SCNN1B: variants seen among roughly 807,000 people sequenced by gnomAD.
SCNN1B encodes sodium channel epithelial 1 subunit beta.
In SCNN1B, 46 loss-of-function variants were observed where a neutral mutation model predicts 65.3. The ratio of observed to expected loss-of-function variants is 0.70; its 90% CI spans 0.56 to 0.90. The LOEUF (loss-of-function observed/expected upper bound fraction) is 0.90. SCNN1B is among the 40% of genes least tolerant of loss of function. The probability of loss-of-function intolerance (pLI) is 0.00; values close to 1 mark genes in which losing one functional copy is unlikely to be tolerated. For missense variants in SCNN1B, 751 were observed against 830.5 expected, an observed-to-expected ratio of 0.90 and a Z score of 1.18; for synonymous variants, 349 against 330.6, an observed-to-expected ratio of 1.06 and a Z score of -0.60.
rs185918613 is a variant in SCNN1B, at chr16:23,284,225, C to T, written n.178+421C>T. 4.0e-4 allele frequency among the ~76,000 whole-genome samples: 60 copies of T among 151,864 alleles called. No homozygotes were observed. In the East Asian group the frequency reaches 7.8e-3, roughly 20 times the overall value. ...TTCAAGACCAGCCTGGCCAACATGG[C>T]GAAAACCTGTGCCTACTAAAAGTAC... is the stretch of plus-strand genomic sequence containing the variant. On this transcript the variant is annotated intron_variant and non_coding_transcript_variant, in intron 2 of 3. Coordinates refer to the SCNN1B transcript ENST00000569789.
At chr16:23,316,583 A>G (rs1961472110) in intron 1 of SCNN1B, among the ~76,000 whole-genome samples, 1 of 129,068 alleles carries the variant, frequency 7.7e-6, no homozygotes, top group South Asian at 2.1e-4. Context: ...CACCACCATC[A>G]CCATCTTCAC....
At chr16:23,346,354 G>A (rs73544425) in intron 1 of SCNN1B, among the ~76,000 whole-genome samples, 15,005 of 150,790 alleles carry the variant, frequency 0.1, 821 homozygotes, top group Middle Eastern at 0.17. Flanking sequence ...CAGCCTCCCA[G>A]GTAGCTGGGA....
intron 1 of SCNN1B, among the ~76,000 whole-genome samples, chr16:23,341,884 T>C (rs1420711050): frequency 6.6e-6 from 1 of 152,206 alleles, no homozygotes; most frequent in Admixed American, 6.5e-5. Flanking sequence ...GGTGAAATTG[T>C]TAAGTAGTGC....
chr16:23,342,347 A>G (rs1567303774), intron 1 of SCNN1B, among the ~76,000 whole-genome samples: 1 of 152,248 alleles, frequency 6.6e-6, no homozygotes, highest in African/African-American at 2.4e-5. Flanking sequence ...TCCCAGGCTC[A>G]AGCAAGTCTC....
intron 1 of SCNN1B, among the ~76,000 whole-genome samples, chr16:23,282,983 C>A (rs1034566346): frequency 1.3e-5 from 2 of 152,206 alleles, no homozygotes; most frequent in African/African-American, 4.8e-5. Context: ...GAATTCTCTC[C>A]TGGACAAAGC....
intron 1 of SCNN1B, among the ~76,000 whole-genome samples, chr16:23,343,349 G>A (rs937210940): frequency 7.2e-5 from 11 of 151,912 alleles, no homozygotes; most frequent in African/African-American, 2.2e-4. Flanking sequence ...CTACTCTGGA[G>A]GCTGAGGCAA....
chr16:23,299,280 G>A (rs1961040893), upstream of SCNN1B, among the ~76,000 whole-genome samples: 1 of 151,822 alleles, frequency 6.6e-6, no homozygotes, highest in Non-Finnish European at 1.5e-5. Context: ...GGCTGGTCTC[G>A]AACTCCTGAG....
At chr16:23,306,993 G>A (rs75928145) in intron 1 of SCNN1B, among the ~76,000 whole-genome samples, 5,130 of 152,248 alleles carry the variant, frequency 0.034, 271 homozygotes, top group African/African-American at 0.12. Context: ...CACGTTTTGT[G>A]ATCTCTGTTC....
At chr16:23,377,953 T>C (rs187103743) in intron 10 of SCNN1B, among the ~76,000 whole-genome samples, 28 of 152,294 alleles carry the variant, frequency 1.8e-4, no homozygotes, top group African/African-American at 6.5e-4. Context: ...GTGAAATAAA[T>C]AAACAGGTTA....
chr16:23,365,603 A>AAGAGAGAGAG (rs1491364246), intron 4 of SCNN1B, among the ~76,000 whole-genome samples: 92 of 93,748 alleles, frequency 9.8e-4, no homozygotes, highest in South Asian at 2.4e-3. Flanking sequence ...GAAAGAAAGA[A>AAGAGAGAGAG]AGAAAGAAAG....
chr16:23,372,963 C>G (rs1298581499), intron 7 of SCNN1B, among the ~76,000 whole-genome samples: 4 of 151,324 alleles, frequency 2.6e-5, no homozygotes, highest in Non-Finnish European at 1.5e-5. Context: ...AAAAATTAGC[C>G]AGGCGTCGTG....
intron 1 of SCNN1B, among the ~76,000 whole-genome samples, chr16:23,316,994 C>A (rs2141990818): frequency 1.3e-5 from 2 of 152,326 alleles, no homozygotes; most frequent in South Asian, 4.1e-4. Context: ...GTTTCCCAGA[C>A]CCAAGAAGCA....
At chr16:23,290,101 G>A (rs972177549) in intron 2 of SCNN1B, among the ~76,000 whole-genome samples, 10 of 152,128 alleles carry the variant, frequency 6.6e-5, no homozygotes, top group Non-Finnish European at 1.5e-4. Flanking sequence ...AAATCTGCAC[G>A]TCTCCGTTTT....
In SCNN1B at chr16:23,286,880, C is replaced by T. The variant is rs949977711; in HGVS notation, n.178+3076C>T. Among the ~76,000 whole-genome samples, 36 of 152,252 alleles carry T rather than the reference C, an allele frequency of 2.4e-4. 1 individual carries two copies. Among genetic ancestry groups the T allele is most frequent in the Middle Eastern group, 3.4e-3 (1 of 294 alleles). On this transcript the variant is annotated intron_variant and non_coding_transcript_variant, in intron 2 of 3. Coordinates refer to the SCNN1B transcript ENST00000569789. Reference sequence around the variant, plus strand: ...GCTGAGGCAGGCTATTGCTTGAACCCAGGAGTTCAAGACCAGCCCTGGCAA... The same window carrying T: ...GCTGAGGCAGGCTATTGCTTGAACCTAGGAGTTCAAGACCAGCCCTGGCAA...
chr16:23,378,319 G>A (rs368039679), intron 10 of SCNN1B, among the ~76,000 whole-genome samples: 2 of 152,338 alleles, frequency 1.3e-5, no homozygotes, highest in African/African-American at 4.8e-5. Context: ...TTCTGGGAAA[G>A]CATGTTAGAC....
chr16:23,354,925 A>T (rs1962386094), intron 3 of SCNN1B, among the ~76,000 whole-genome samples: 2 of 152,076 alleles, frequency 1.3e-5, no homozygotes, highest in African/African-American at 4.8e-5. Flanking sequence ...GGTGGCTGTA[A>T]ACTGAGCCAC....
intron 1 of SCNN1B, among the ~76,000 whole-genome samples, chr16:23,335,872 A>G (rs1961928230): frequency 1.3e-5 from 2 of 152,096 alleles, no homozygotes; most frequent in African/African-American, 4.8e-5. Context: ...TAAGACCTGT[A>G]TCTTAGAGGG....
At chr16:23,343,647 GAAAAAAA>G (rs1331080705) in intron 1 of SCNN1B, among the ~76,000 whole-genome samples, 1,414 of 109,530 alleles carry the variant, frequency 0.013, 9 homozygotes, top group Middle Eastern at 0.034. Flanking sequence ...AAGAAAGAAA[GAAAAAAA>G]GAAAGGAAGG....
rs556500991 is a variant in SCNN1B at position 23,350,522 on chromosome 16, G to A, written c.311+1612G>A. On this transcript the variant is annotated intron_variant, in intron 2 of 12. Transcript: ENST00000343070. ...GTTGGCCAGATATGGTGAAGAGAGTGCCCCCAGTCTTGGATACAGCAGGTG... is the reference window on the plus strand; with the variant it reads ...GTTGGCCAGATATGGTGAAGAGAGTACCCCCAGTCTTGGATACAGCAGGTG... 1.1e-4 allele frequency among the ~76,000 whole-genome samples: 16 copies of A among 152,290 alleles called. No homozygotes were observed. In the South Asian group the frequency reaches 2.9e-3, roughly 28 times the overall value.
Sources: allele counts gnomAD v4.1 joint callset (sites outside exome capture counted in the v4.1 genomes callset), GRCh38; gene constraint gnomAD v4.1.1; transcripts MANE v1.5; gene names NCBI Gene and HGNC (gene_info 2026-07-23, HGNC 2026-07-21).